Variants in FRAS1 observed in about 807,000 individuals in gnomAD.
The protein encoded by FRAS1 is Fraser extracellular matrix complex subunit 1.
A neutral mutation model predicts 435.2 loss-of-function variants in FRAS1; 290 were observed. The observed-to-expected ratio is 0.67, with a 90% CI of 0.61 to 0.73. The LOEUF (loss-of-function observed/expected upper bound fraction) is 0.73. Ranked by LOEUF, FRAS1 falls within the 30% of genes least tolerant of loss-of-function variation. The pLI, the probability that FRAS1 is intolerant of heterozygous loss-of-function variation, is 0.00. For synonymous variants in FRAS1, 1,800 were observed against 1,851.0 expected (o/e 0.97, Z 0.71); for missense variants, 4,860 against 5,001.5 (o/e 0.97, Z 0.85).
chr4:78,068,493 G>A (rs1740164245), intron 2 of FRAS1: 1 of 455,942 alleles, frequency 2.2e-6, no homozygotes, highest in Non-Finnish European at 4.4e-6. Context: ...GATAGGTCAG[G>A]GAGGATGGCA....
At chr4:78,312,859 A>AGAGAGAGAGAGAG (rs1553943110) in intron 15 of FRAS1, among the ~76,000 whole-genome samples, 32 of 121,784 alleles carry the variant, frequency 2.6e-4, no homozygotes, top group East Asian at 9.8e-4. Context: ...GAAAGAAAGA[A>AGAGAGAGAGAGAG]AGAGAGAGAG....
At position 78,334,363 on chromosome 4, in the gene FRAS1, C is replaced by CTTTTT. The variant is rs1007481617; in HGVS notation, c.2278+973_2278+977dup. 5.0e-4 allele frequency among the ~76,000 whole-genome samples: 46 copies of CTTTTT among 92,270 alleles called. 5 individuals carry two copies. The highest frequency in any genetic ancestry group is 1.9e-3 in the African/African-American group (41 of 22,126). The allele number at this position is 92,270 out of a possible 152,430, so 60.5% of individuals were successfully genotyped here. A position where few individuals can be genotyped will look rare whatever the true frequency, so the allele number is the denominator to read the frequency against. ...AAAACATAAAGTCATAACCAATTTT[C>CTTTTT]TTTTTTTTTTTTTTTTTTTTTTTTT... On this transcript the variant is annotated intron_variant, in intron 19 of 73. Transcript: ENST00000512123.
intron 14 of FRAS1, among the ~76,000 whole-genome samples, chr4:78,302,919 T>G (rs1436943389): frequency 2.0e-5 from 3 of 152,338 alleles, no homozygotes; most frequent in African/African-American, 7.2e-5. Context: ...GTTTTAGACA[T>G]GAAGTCCTTG....
intron 20 of FRAS1, among the ~76,000 whole-genome samples, chr4:78,349,729 TA>T: frequency 7.1e-5 from 1 of 14,062 alleles, no homozygotes; most frequent in East Asian, 9.7e-4. Flanking sequence ...CAGAATTTCA[TA>T]TCCAGCCAAA....
Position 78,281,425 on chromosome 4 carries a change from C to A in FRAS1, c.1099C>A (p.Arg367Ser), listed in dbSNP as rs761271071. 7.7e-6 allele frequency: 12 copies of A among 1,568,624 alleles called. No homozygotes were observed. Among genetic ancestry groups the A allele is most frequent in the African/African-American group, 1.4e-5 (1 of 72,932 alleles). Residue 367 changes from arginine to serine, a missense_variant, in exon 11 of 74, where the codon CGT becomes AGT. Coordinates refer to ENST00000512123, the MANE Select transcript of FRAS1 (RefSeq NM_025074.7). ...FMSSNASEVK[R>S]IPEGEKWEDG... The stretch of plus-strand genomic sequence containing the variant: ...GTCATCAAATGCTAGTGAAGTTAAA[C>A]GTATTCCAGTAAGTATAGCTTTTTA...
chr4:78,438,635 C>T lies in FRAS1; in HGVS notation c.5283C>T (p.Leu1761=). The T allele has an allele frequency of 6.2e-7, 1 of 1,613,710 alleles. No individual in the cohort carries two copies. The highest frequency in any genetic ancestry group is 8.5e-7 in the Non-Finnish European group (1 of 1,179,656). ...ATTATCTGCCCTCATATGGTACTCT[C>T]TTAAGAATCTCAGGATCTGAGGTGG... is the stretch of plus-strand genomic sequence containing the variant. The part of the protein sequence containing the change: ...QLNYLPSYGT[L]LRISGSEVEE... The change falls in exon 39 of 74, where the codon CTC becomes CTT. Residue 1761 remains leucine (L), a synonymous_variant. Coordinates refer to ENST00000512123, the MANE Select transcript of FRAS1 (RefSeq NM_025074.7).
intron 2 of FRAS1, among the ~76,000 whole-genome samples, chr4:78,163,733 C>T (rs1255853919): frequency 1.3e-5 from 2 of 152,188 alleles, no homozygotes; most frequent in Non-Finnish European, 2.9e-5. Context: ...CAAGTCACAA[C>T]GTGACATATG....
intron 18 of FRAS1, among the ~76,000 whole-genome samples, chr4:78,333,027 T>C (rs1428235370): frequency 1.3e-5 from 2 of 152,214 alleles, no homozygotes; most frequent in East Asian, 3.8e-4. Flanking sequence ...AAATGTATGA[T>C]TCTGTAAATG....
intron 67 of FRAS1, 56 bp from the exon 68 acceptor site, chr4:78,521,467 G>T: frequency 2.6e-6 from 3 of 1,145,388 alleles, no homozygotes; most frequent in Non-Finnish European, 1.3e-6. Flanking sequence ...ATATGTGGTT[G>T]CTGTCAGGGA....
chr4:78,135,012 T>C (rs75139082), intron 2 of FRAS1, among the ~76,000 whole-genome samples: 3,195 of 152,278 alleles, frequency 0.021, 102 homozygotes, highest in African/African-American at 0.072. Context: ...GACAATTGCA[T>C]GCTGGTAGGG....
chr4:78,375,778 G>C lies in FRAS1; in HGVS notation c.3191G>C (p.Arg1064Pro). 2 of 1,610,352 alleles carry C rather than the reference G, an allele frequency of 1.2e-6. No homozygotes were observed. The highest frequency in any genetic ancestry group is 1.1e-5 in the South Asian group (1 of 90,310). Residue 1064 changes from arginine (R) to proline (P), a missense_variant, in exon 26 of 74, where the codon CGT (arginine) becomes CCT (proline). Transcript: ENST00000512123. ...TGCTTGCAGTGCAGCCACAGGGACC[G>C]TTGTCACCTCTGTGACCATGGGTTC... Reference protein sequence around the residue: ...QGCLQCSHRDRCHLCDHGFFL... With the variant: ...QGCLQCSHRDPCHLCDHGFFL...
At chr4:78,392,137 T>C (rs28600696) in intron 29 of FRAS1, among the ~76,000 whole-genome samples, 61,508 of 151,904 alleles carry the variant, frequency 0.4, 12,752 homozygotes, top group African/African-American at 0.48. Flanking sequence ...GGGGCTCATA[T>C]ACACATTGAC....
At chr4:78,476,890 G>A (rs941023267) in intron 54 of FRAS1, among the ~76,000 whole-genome samples, 4 of 151,554 alleles carry the variant, frequency 2.6e-5, no homozygotes, top group East Asian at 1.9e-4. Context: ...AGTTATCTCC[G>A]TTTACACAAA....
intron 2 of FRAS1, among the ~76,000 whole-genome samples, chr4:78,114,354 C>T (rs532550800): frequency 1.7e-3 from 259 of 152,168 alleles, no homozygotes; most frequent in Middle Eastern, 6.8e-3. Context: ...TAGTTTTTTC[C>T]AATTCTGTGA....
At chr4:78,248,555 TA>T (rs1330492863) in intron 4 of FRAS1, among the ~76,000 whole-genome samples, 1 of 152,156 alleles carries the variant, frequency 6.6e-6, no homozygotes, top group Non-Finnish European at 1.5e-5. Context: ...TTTGTGAGGC[TA>T]AAAGGATAAC....
chr4:78,217,212 A>C (rs1723805479), intron 2 of FRAS1, among the ~76,000 whole-genome samples: 1 of 152,168 alleles, frequency 6.6e-6, no homozygotes, highest in African/African-American at 2.4e-5. Flanking sequence ...AGGCCCTCCA[A>C]GGATTGGATG....
In FRAS1 at chr4:78,522,718, G is replaced by C. The variant is rs774395241; in HGVS notation, c.10718G>C (p.Gly3573Ala). The change falls in exon 69 of 74, where the codon GGA (glycine) becomes GCA (alanine). Residue 3573 changes from glycine to alanine, a missense_variant. Physicochemically the swap from Gly to Ala is moderately conservative, Grantham distance 60. Coordinates refer to ENST00000512123, the MANE Select transcript of FRAS1 (RefSeq NM_025074.7). ...TTCGTATTGACTCCAGACCACCTAG[G>C]AGGAATTGAATTTGACTTGCAGCTA... ...KSFVLTPDHL[G>A]GIEFDLQLLW... 6.2e-7 allele frequency: 1 copy of C among 1,611,870 alleles called. No homozygotes were observed. The highest frequency in any genetic ancestry group is 1.7e-5 in the Admixed American group (1 of 59,744).
chr4:78,317,279 A>C, intron 16 of FRAS1, 89 bp from the exon 17 acceptor site: 1 of 1,429,360 alleles, frequency 7.0e-7, no homozygotes, highest in Non-Finnish European at 9.8e-7. Context: ...CAGGGGACTA[A>C]GAGTCCCAGG....
intron 16 of FRAS1, among the ~76,000 whole-genome samples, chr4:78,316,348 C>T (rs1729244933): frequency 6.6e-6 from 1 of 152,170 alleles, no homozygotes; most frequent in Non-Finnish European, 1.5e-5. Flanking sequence ...TTGATCTCCC[C>T]TCCTCTCTGA....
Sources: allele counts gnomAD v4.1 joint callset (sites outside exome capture counted in the v4.1 genomes callset), GRCh38; gene constraint gnomAD v4.1.1; transcripts MANE v1.5; gene names NCBI Gene and HGNC (gene_info 2026-07-23, HGNC 2026-07-21).